The following CLN6 variants were observed in gnomAD, a reference collection of about 807,000 sequenced individuals.
The protein encoded by CLN6 is ceroid-lipofuscinosis neuronal protein 6.
Under a neutral mutation model 33.3 loss-of-function variants are expected in CLN6, and 22 were observed. The observed-to-expected ratio is 0.66, with a 90% CI of 0.47 to 0.94. The LOEUF (loss-of-function observed/expected upper bound fraction) is 0.94, where lower values mean the gene tolerates loss of function less well. CLN6 is among the 40% of genes least tolerant of loss of function. The probability of loss-of-function intolerance (pLI) is 0.00; values close to 1 mark genes in which losing one functional copy is unlikely to be tolerated. For synonymous variants in CLN6, 201 were observed against 174.6 expected, an observed-to-expected ratio of 1.15 and a Z score of -1.19; for missense variants, 387 against 417.1, an observed-to-expected ratio of 0.93 and a Z score of 0.63.
intron 1 of CLN6, 55 bp downstream of exon 1, chr15:68,229,447 C>T: frequency 3.7e-6 from 5 of 1,341,646 alleles, no homozygotes; most frequent in Non-Finnish European, 5.0e-6. Flanking sequence ...TGGCGGGTCC[C>T]GAGGCCCCAG....
chr15:68,209,808 C>A lies in CLN6; in HGVS notation c.543-49G>T, dbSNP rs2141137390. 5 of 1,608,662 alleles carry A rather than the reference C, an allele frequency of 3.1e-6. No individual in the cohort carries two copies. The highest frequency in any genetic ancestry group is 4.2e-6 in the Non-Finnish European group (5 of 1,177,946). On this transcript the variant is annotated intron_variant, in intron 5 of 6. Coordinates refer to ENST00000249806, the MANE Select transcript of CLN6 (RefSeq NM_017882.3). This position sits in a 1 kb window ranked among gnomAD's most constrained non-coding sequence, Gnocchi z 4.9. Reference sequence around the variant, plus strand: ...TAGAGGCCTGCTCAGCGGCCCTCTTCCCCACAACCTCTGCAACCACTCCCA... The same window carrying A: ...TAGAGGCCTGCTCAGCGGCCCTCTTACCCACAACCTCTGCAACCACTCCCA...
chr15:68,250,941 T>C (rs1053322551), intron 1 of CLN6, among the ~76,000 whole-genome samples: 1 of 152,178 alleles, frequency 6.6e-6, no homozygotes, highest in African/African-American at 2.4e-5. Context: ...CTGTATGAGG[T>C]TAGTATAAAC....
chr15:68,237,565 T>C (rs1892233631), intron 1 of CLN6, among the ~76,000 whole-genome samples: 1 of 151,766 alleles, frequency 6.6e-6, no homozygotes, highest in Non-Finnish European at 1.5e-5. Flanking sequence ...TAAAGCTGAG[T>C]AGTGAATTGG....
intron 1 of CLN6, among the ~76,000 whole-genome samples, chr15:68,238,397 G>A (rs1220999089): frequency 6.6e-6 from 1 of 150,972 alleles, no homozygotes; most frequent in Non-Finnish European, 1.5e-5. Context: ...GTGAGACTCT[G>A]TCTCAAAAAA....
At chr15:68,223,041 T>A (rs2093242282) in intron 1 of CLN6, among the ~76,000 whole-genome samples, 1 of 151,926 alleles carries the variant, frequency 6.6e-6, no homozygotes, top group Admixed American at 6.6e-5. Context: ...TGTTCACGTG[T>A]TTATCTGCTG....
chr15:68,217,759 G>C (rs1398714212), intron 2 of CLN6, among the ~76,000 whole-genome samples: 1 of 152,092 alleles, frequency 6.6e-6, no homozygotes. Context: ...GGGGTCTGGG[G>C]GCCATGAATA....
At chr15:68,240,552 G>C (rs1892271489) in intron 1 of CLN6, among the ~76,000 whole-genome samples, 1 of 152,174 alleles carries the variant, frequency 6.6e-6, no homozygotes, top group Admixed American at 6.5e-5. Context: ...CCTGAGCTGA[G>C]ATCGTGCCAC....
upstream of CLN6, among the ~76,000 whole-genome samples, chr15:68,231,288 A>G (rs1031489981): frequency 4.1e-4 from 62 of 151,724 alleles, no homozygotes; most frequent in African/African-American, 1.5e-3. Flanking sequence ...TCCCCTGAAG[A>G]ACACATTTGC....
At position 68,225,920 on chromosome 15, in the gene CLN6, A is replaced by G. The variant is rs188198168; in HGVS notation, c.83+3582T>C. On this transcript the variant is annotated intron_variant, in intron 1 of 6. Coordinates refer to ENST00000249806, the MANE Select transcript of CLN6 (RefSeq NM_017882.3). ...TGGAGGTGGAGGTTGCAGTGAGCCA[A>G]GATGGCACCACTGCACTCTAGCCTA... Among the ~76,000 whole-genome samples, 588 of 152,204 alleles carry G rather than the reference A, an allele frequency of 3.9e-3. 4 individuals carry two copies. The highest frequency in any genetic ancestry group is 0.013 in the African/African-American group (552 of 41,526).
chr15:68,210,667 C>T lies in CLN6; in HGVS notation c.542+596G>A, dbSNP rs943578682. On this transcript the variant is annotated intron_variant, in intron 5 of 6. Transcript: ENST00000249806. The surrounding 1 kb of genome is among the most constrained non-coding windows in gnomAD (Gnocchi z 5.6). ...CAGATGAAGCCTCCCAGCCTGGGCC[C>T]GGGATCTCCTGAGGCTGAGACCACA... Among the ~76,000 whole-genome samples the T allele has an allele frequency of 3.3e-5, 5 of 152,242 alleles. No individual in the cohort carries two copies. Among genetic ancestry groups the T allele is most frequent in the African/African-American group, 9.6e-5 (4 of 41,550 alleles).
At chr15:68,254,345 A>G (rs1892410728) in intron 1 of CLN6, among the ~76,000 whole-genome samples, 1 of 152,162 alleles carries the variant, frequency 6.6e-6, no homozygotes, top group African/African-American at 2.4e-5. Flanking sequence ...GTGGTGAGCC[A>G]CCCACTTGCA....
Position 68,209,498 on chromosome 15 carries a change from T to G in CLN6, c.665+139A>C. 1 of 1,210,712 alleles carries G rather than the reference T, an allele frequency of 8.3e-7. No homozygotes were observed. Among genetic ancestry groups the G allele is most frequent in the Admixed American group, 1.7e-5 (1 of 58,564 alleles). 75.0% of individuals were successfully genotyped at this position (1,210,712 alleles called of 1,614,324 possible). A position where few individuals can be genotyped will look rare whatever the true frequency, so the allele number is the denominator to read the frequency against. On this transcript the variant is annotated intron_variant, in intron 6 of 6. Coordinates refer to ENST00000249806, the MANE Select transcript of CLN6 (RefSeq NM_017882.3). This position sits in a 1 kb window ranked among gnomAD's most constrained non-coding sequence, Gnocchi z 4.9. ...CACAGGGCATTGTCACAGTCCCCAC[T>G]AGACACAAGAAGAAGCACGGGCCCA...
Position 68,211,895 on chromosome 15 carries a change from C to G in CLN6, c.298-32G>C. On this transcript the variant is annotated intron_variant, in intron 3 of 6. Coordinates refer to ENST00000249806, the MANE Select transcript of CLN6 (RefSeq NM_017882.3). This position sits in a 1 kb window ranked among gnomAD's most constrained non-coding sequence, Gnocchi z 5.9. ...TTCAGAGTGGGGTTGGCAGCATGAC[C>G]CCACCTCTGTCACAGTATGTGACAC... 6.2e-7 allele frequency: 1 copy of G among 1,608,218 alleles called. No homozygotes were observed. Among genetic ancestry groups the G allele is most frequent in the South Asian group, 1.1e-5 (1 of 90,872 alleles).
At position 68,208,562 on chromosome 15, in the gene CLN6, G is replaced by A; in HGVS notation, c.666-152C>T. The A allele has an allele frequency of 1.3e-6, 1 of 746,842 alleles. No individual in the cohort carries two copies. Among genetic ancestry groups the A allele is most frequent in the Non-Finnish European group, 2.2e-6 (1 of 448,806 alleles). The allele number at this position is 746,842 out of a possible 1,614,324, so 46.3% of individuals were successfully genotyped here. On this transcript the variant is annotated intron_variant, in intron 6 of 6. Coordinates refer to ENST00000249806, the MANE Select transcript of CLN6 (RefSeq NM_017882.3). The surrounding 1 kb of genome is among the most constrained non-coding windows in gnomAD (Gnocchi z 5.8). ...GAGAACTATGCCGCTCTAAGCCACA[G>A]CCCATGGGCAGCATATTGATTTAGC...
intron 3 of CLN6, chr15:68,213,580 T>C (rs1332000467): frequency 6.6e-6 from 1 of 151,644 alleles, no homozygotes; most frequent in Non-Finnish European, 1.5e-5. Context: ...GGTTTCACCA[T>C]GTTGGCCAGG....
chr15:68,235,591 T>TAAATAAATAAATAA (rs1171927856), intron 1 of CLN6, among the ~76,000 whole-genome samples: 10 of 6,096 alleles, frequency 1.6e-3, no homozygotes, highest in Admixed American at 4.0e-3. Context: ...AAAATAAATA[T>TAAATAAATAAATAA]ATATATATAT....
rs748062705 is a variant in CLN6, at chr15:68,211,750, C to T, written c.411G>A (p.Leu137=). The T allele has an allele frequency of 3.1e-6, 5 of 1,613,836 alleles. No individual in the cohort carries two copies. Among genetic ancestry groups the T allele is most frequent in the Non-Finnish European group, 8.5e-7 (1 of 1,180,008 alleles). The change falls in exon 4 of 7, where the codon CTG becomes CTA. Residue 137 remains leucine (L), a synonymous_variant. Transcript: ENST00000249806. The surrounding 1 kb of genome is among the most constrained non-coding windows in gnomAD (Gnocchi z 5.9). ...GGTGGTGCTGGTAGCCACTGAAGAGCAGGCGGTGGTTGACAGAGTCACCCA... is the reference window on the plus strand; with the variant it reads ...GGTGGTGCTGGTAGCCACTGAAGAGTAGGCGGTGGTTGACAGAGTCACCCA... ...HLVGDSVNHR[L]LFSGYQHHLS... is the part of the protein sequence containing the mutation.
Position 68,209,635 on chromosome 15 carries a change from AC to A in CLN6, c.665+1del, listed in dbSNP as rs1487554259. 6.2e-7 allele frequency: 1 copy of A among 1,612,390 alleles called. No individual in the cohort carries two copies. The highest frequency in any genetic ancestry group is 8.5e-7 in the Non-Finnish European group (1 of 1,179,844). ...TCTGCCCCCATGCTGATGTCCACTC[AC>A]CAGTAGTACAGGCCACTGGGTGCCA... On this transcript the variant is annotated splice_donor_variant, in intron 6 of 6. Transcript: ENST00000249806. LOFTEE classifies it high-confidence loss of function. This position sits in a 1 kb window ranked among gnomAD's most constrained non-coding sequence, Gnocchi z 4.9.
intron 1 of CLN6, among the ~76,000 whole-genome samples, chr15:68,226,146 C>T (rs1306423883): frequency 5.3e-5 from 8 of 151,414 alleles, no homozygotes; most frequent in Admixed American, 1.3e-4. Flanking sequence ...GGTGAAACGC[C>T]GTCTCTACTA....
Sources: allele counts gnomAD v4.1 joint callset (sites outside exome capture counted in the v4.1 genomes callset), GRCh38; gene constraint gnomAD v4.1.1; non-coding constraint Gnocchi (gnomAD v3.1); transcripts MANE v1.5; gene names NCBI Gene and HGNC (gene_info 2026-07-23, HGNC 2026-07-21).